Variants in ADCY8 observed in about 807,000 individuals in gnomAD.
ADCY8 encodes adenylate cyclase 8.
ADCY8 carries 51 observed loss-of-function variants against 119.7 expected under a neutral mutation model. That is an observed-to-expected ratio of 0.43 (90% CI 0.34 to 0.54). The LOEUF is 0.54. ADCY8 is among the 20% of genes least tolerant of loss of function. The pLI is 0.03. For synonymous variants in ADCY8, 665 were observed against 651.0 expected (o/e 1.02, Z -0.33); for missense variants, 1,383 against 1,598.8 (o/e 0.87, Z 2.30).
intron 17 of ADCY8, among the ~76,000 whole-genome samples, chr8:130,782,328 A>T (rs1182594635): frequency 5.9e-5 from 9 of 152,182 alleles, no homozygotes; most frequent in African/African-American, 2.2e-4. Flanking sequence ...TGATTCTCAT[A>T]TTATTATTGT....
Position 130,787,747 on chromosome 8 carries a change from GTTTTCATGCCT to G in ADCY8, c.3061-2283_3061-2273del, listed in dbSNP as rs1157168207. Among the ~76,000 whole-genome samples the G allele has an allele frequency of 7.0e-3, 1,058 of 151,534 alleles. 12 individuals are homozygous for G. Among genetic ancestry groups the G allele is most frequent in the African/African-American group, 0.024 (1,006 of 41,070 alleles). The stretch of plus-strand genomic sequence containing the variant: ...ATTTGCATGTGTGCATGTGTGTGTT[GTTTTCATGCCT>G]GTGTCCACATGTATGTGTGCCTGTG... On this transcript the variant is annotated intron_variant, in intron 15 of 17. Coordinates refer to ENST00000286355, the MANE Select transcript of ADCY8 (RefSeq NM_001115.3).
chr8:130,841,887 G>C (rs1388355613), intron 11 of ADCY8, among the ~76,000 whole-genome samples: 1 of 152,184 alleles, frequency 6.6e-6, no homozygotes, highest in East Asian at 1.9e-4. Flanking sequence ...AGTGAAGTGT[G>C]TCCAGGCAAA....
At chr8:130,851,105 CA>C (rs1817511819) in intron 9 of ADCY8, among the ~76,000 whole-genome samples, 1 of 152,124 alleles carries the variant, frequency 6.6e-6, no homozygotes, top group South Asian at 2.1e-4. Flanking sequence ...CCCATGTTTG[CA>C]ATCATCTTTT....
Position 130,780,726 on chromosome 8 carries a change from C to G in ADCY8, c.3420G>C (p.Leu1140=), listed in dbSNP as rs774542121. Residue 1140 remains leucine, a synonymous_variant, in exon 18 of 18, where the codon CTG becomes CTC. Transcript: ENST00000286355. ...AATCAAAGGCAAAGCCCTGGTCCTTCAGGATGAGATAGGTCTCCTCTGGGA... is the reference window on the plus strand; with the variant it reads ...AATCAAAGGCAAAGCCCTGGTCCTTGAGGATGAGATAGGTCTCCTCTGGGA... ...IQVPEETYLI[L]KDQGFAFDYR... The G allele has an allele frequency of 1.9e-6, 3 of 1,614,208 alleles. No homozygotes were observed. Among genetic ancestry groups the G allele is most frequent in the Non-Finnish European group, 2.5e-6 (3 of 1,180,026 alleles).
chr8:131,007,734 A>G (rs1419048517), intron 1 of ADCY8, among the ~76,000 whole-genome samples: 1 of 152,198 alleles, frequency 6.6e-6, no homozygotes, highest in African/African-American at 2.4e-5. Flanking sequence ...TTCTTTTTGT[A>G]TATGTGACTT....
At chr8:131,038,934 C>A (rs956862153) in intron 1 of ADCY8, among the ~76,000 whole-genome samples, 1 of 152,136 alleles carries the variant, frequency 6.6e-6, no homozygotes, top group Non-Finnish European at 1.5e-5. Flanking sequence ...CTTAGAGATA[C>A]GGAAAAACCC....
chr8:131,010,048 T>C (rs980833354), intron 1 of ADCY8, among the ~76,000 whole-genome samples: 14 of 152,218 alleles, frequency 9.2e-5, no homozygotes, highest in African/African-American at 3.4e-4. Flanking sequence ...CATTGTTTTG[T>C]ATGAAAAAGA....
intron 9 of ADCY8, among the ~76,000 whole-genome samples, chr8:130,865,187 G>A (rs11776474): frequency 0.021 from 3,252 of 152,080 alleles, 69 homozygotes; most frequent in South Asian, 0.079. Context: ...GTGACATTAA[G>A]GTGTGGGGAA....
intron 2 of ADCY8, among the ~76,000 whole-genome samples, chr8:130,957,401 T>A (rs2130673611): frequency 6.6e-6 from 1 of 152,306 alleles, no homozygotes; most frequent in Non-Finnish European, 1.5e-5. Context: ...AAGAGATGAC[T>A]TGGGTGCTGT....
chr8:130,948,592 T>C (rs1005241452), intron 3 of ADCY8, among the ~76,000 whole-genome samples: 7 of 146,544 alleles, frequency 4.8e-5, no homozygotes, highest in African/African-American at 7.7e-5. Context: ...GTATGAAATG[T>C]AAGTCAAGAC....
At chr8:130,854,698 A>G (rs1320198539) in intron 9 of ADCY8, among the ~76,000 whole-genome samples, 2 of 152,118 alleles carry the variant, frequency 1.3e-5, no homozygotes, top group Non-Finnish European at 2.9e-5. Context: ...TATCATTCCC[A>G]TTTTACAGAT....
chr8:130,834,874 A>G (rs1478349571), intron 12 of ADCY8, among the ~76,000 whole-genome samples: 7 of 152,098 alleles, frequency 4.6e-5, no homozygotes, highest in Non-Finnish European at 7.4e-5. Flanking sequence ...TATAACATGG[A>G]TGGGAAGGAT....
chr8:130,895,088 A>G (rs1334808155), intron 7 of ADCY8, among the ~76,000 whole-genome samples: 1 of 152,136 alleles, frequency 6.6e-6, no homozygotes, highest in Non-Finnish European at 1.5e-5. Flanking sequence ...CTTTGTTTTC[A>G]AATTGAGGAA....
chr8:130,913,381 C>G (rs778566314), intron 5 of ADCY8, among the ~76,000 whole-genome samples: 28 of 152,084 alleles, frequency 1.8e-4, no homozygotes, highest in Non-Finnish European at 3.4e-4. Flanking sequence ...ATTCTACTCT[C>G]TATGTCCATG....
At chr8:130,976,432 T>G (rs961507908) in intron 2 of ADCY8, among the ~76,000 whole-genome samples, 3 of 152,164 alleles carry the variant, frequency 2.0e-5, no homozygotes, top group Admixed American at 2.0e-4. Context: ...ATAAAGCAAA[T>G]TATTGCCTAT....
At chr8:130,978,962 T>C (rs1822155971) in intron 2 of ADCY8, among the ~76,000 whole-genome samples, 1 of 152,156 alleles carries the variant, frequency 6.6e-6, no homozygotes, top group East Asian at 1.9e-4. Flanking sequence ...GCGTACTAGA[T>C]GGCCCCTGGA....
At chr8:130,828,161 G>A (rs1648058054) in intron 12 of ADCY8, among the ~76,000 whole-genome samples, 1 of 152,126 alleles carries the variant, frequency 6.6e-6, no homozygotes, top group Admixed American at 6.5e-5. Context: ...CTTTCCTATT[G>A]TAGTTTCCTC....
chr8:130,794,768 T>G (rs1363247739), intron 15 of ADCY8, among the ~76,000 whole-genome samples: 2 of 152,234 alleles, frequency 1.3e-5, no homozygotes, highest in Non-Finnish European at 2.9e-5. Flanking sequence ...CAGTCTTAAG[T>G]GCTTTTTAAT....
rs375949082 is a variant in ADCY8 at position 130,870,002 on chromosome 8, C to T, written c.2110-2056G>A. 9.2e-5 allele frequency among the ~76,000 whole-genome samples: 13 copies of T among 141,502 alleles called. No individual in the cohort carries two copies. In the South Asian group the frequency reaches 3.2e-3, roughly 35 times the overall value. 92.8% of individuals were successfully genotyped at this position (141,502 alleles called of 152,430 possible). On this transcript the variant is annotated intron_variant, in intron 8 of 17. Transcript: ENST00000286355. ...CTCCTCCTCCTCCTCCTCTCCTCTT[C>T]CTCTTCTTTCTTCTTCTTTTTTTTT...
Sources: gnomAD v4.1 joint callset for allele counts (sites outside exome capture counted in the v4.1 genomes callset) on GRCh38, gnomAD v4.1.1 for gene constraint, MANE v1.5 for transcripts, NCBI Gene and HGNC (gene_info 2026-07-23, HGNC 2026-07-21) for gene names.